Variants in LINGO2 observed in about 807,000 individuals in gnomAD.
LINGO2 encodes the protein leucine rich repeat and Ig domain containing 2.
A neutral mutation model predicts 30.6 loss-of-function variants in LINGO2; 14 were observed. That is an observed-to-expected ratio of 0.46 (90% CI 0.30 to 0.72). The LOEUF is 0.72. Ranked by LOEUF, LINGO2 falls within the 30% of genes least tolerant of loss-of-function variation. LINGO2 has a pLI of 0.07. For missense variants in LINGO2, 729 were observed against 751.7 expected (o/e 0.97, Z 0.35); for synonymous variants, 317 against 288.5 (o/e 1.10, Z -1.00).
At chr9:29,192,762 T>TC in the LINGO2 span, among the ~76,000 whole-genome samples, 2 of 152,102 alleles carry the variant, frequency 1.3e-5, no homozygotes, top group African/African-American at 2.4e-5. Flanking sequence ...CCAGGCAGGG[T>TC]CATAGGTTTT....
chr9:28,562,457 CAAAAAAAAAAA>C (rs56998877), intron 1 of LINGO2, among the ~76,000 whole-genome samples: 1 of 109,206 alleles, frequency 9.2e-6, no homozygotes, highest in East Asian at 2.8e-4. Context: ...CATTTACTTT[CAAAAAAAAAAA>C]AAAAAAACAG....
intron 4 of LINGO2, among the ~76,000 whole-genome samples, chr9:28,143,854 A>G (rs559913658): frequency 2.6e-5 from 4 of 152,204 alleles, no homozygotes; most frequent in African/African-American, 9.6e-5. Flanking sequence ...ATTTTAATCC[A>G]GAGAAAAAAT....
chr9:29,184,521 C>A, the LINGO2 span, among the ~76,000 whole-genome samples: 3 of 152,108 alleles, frequency 2.0e-5, no homozygotes, highest in South Asian at 4.1e-4. Context: ...AAGCACGAGA[C>A]AATTTCAGAA....
intron 1 of LINGO2, among the ~76,000 whole-genome samples, chr9:28,561,481 T>C (rs113016920): frequency 6.6e-6 from 1 of 150,824 alleles, no homozygotes; most frequent in African/African-American, 2.4e-5. Flanking sequence ...CCTGTTTCTA[T>C]AATTAGTTTA....
At chr9:28,126,848 A>G (rs1046648213) in intron 4 of LINGO2, among the ~76,000 whole-genome samples, 23 of 152,338 alleles carry the variant, frequency 1.5e-4, no homozygotes, top group Non-Finnish European at 1.3e-4. Flanking sequence ...GAAGGATATT[A>G]TTCTCCTTCA....
chr9:28,795,983 T>TACACACAC, the LINGO2 span, among the ~76,000 whole-genome samples: 2,031 of 138,212 alleles, frequency 0.015, 32 homozygotes, highest in East Asian at 0.068. Flanking sequence ...CAGTACTAGA[T>TACACACAC]ACACACACAC....
At chr9:29,078,418 G>A in the LINGO2 span, among the ~76,000 whole-genome samples, 4 of 151,910 alleles carry the variant, frequency 2.6e-5, no homozygotes, top group Non-Finnish European at 5.9e-5. Context: ...TTGTAAATTA[G>A]AAAATGAAAT....
chr9:27,970,316 G>T (rs943843209), intron 5 of LINGO2, among the ~76,000 whole-genome samples: 2 of 152,148 alleles, frequency 1.3e-5, no homozygotes, highest in African/African-American at 4.8e-5. Flanking sequence ...TTTCCCTTAG[G>T]CTCGGGGGAT....
At chr9:27,946,209 C>T (rs940370778), downstream of LINGO2, among the ~76,000 whole-genome samples, 5 of 152,066 alleles carry the variant, frequency 3.3e-5, no homozygotes, top group Non-Finnish European at 7.4e-5. Context: ...CAGGACTTTT[C>T]AGAGGATTTA....
chr9:28,718,201 A>T, the LINGO2 span, among the ~76,000 whole-genome samples: 1 of 151,642 alleles, frequency 6.6e-6, no homozygotes, highest in Non-Finnish European at 1.5e-5. Context: ...AAACCATGTG[A>T]GACTTTAGGT....
chr9:28,223,659 TGAG>T (rs1001154390), intron 4 of LINGO2, among the ~76,000 whole-genome samples: 35 of 151,978 alleles, frequency 2.3e-4, no homozygotes, highest in African/African-American at 7.7e-4. Context: ...AGGCAGGAGA[TGAG>T]GAGAGCAAAA....
the LINGO2 span, among the ~76,000 whole-genome samples, chr9:28,840,496 G>A: frequency 6.6e-6 from 1 of 151,772 alleles, no homozygotes; most frequent in African/African-American, 2.4e-5. Flanking sequence ...CCCCTCCACT[G>A]ACTTCATTGC....
rs1012994381 is a variant in LINGO2, at chr9:28,017,748, A to G, written c.-86-5343T>C. Reference sequence around the variant, plus strand: ...TGGAAAACATTCCATGCTCATGGATAGGAAGAATCAATACTGTAATAATGG... The same window carrying G: ...TGGAAAACATTCCATGCTCATGGATGGGAAGAATCAATACTGTAATAATGG... On this transcript the variant is annotated intron_variant, in intron 4 of 5. Coordinates refer to ENST00000379992, the Ensembl canonical transcript of LINGO2. Among the ~76,000 whole-genome samples the G allele has an allele frequency of 3.9e-5, 6 of 152,332 alleles. 1 individual carries two copies. The highest frequency in any genetic ancestry group is 1.2e-4 in the African/African-American group (5 of 41,594).
chr9:28,338,701 G>A (rs1825669510), intron 3 of LINGO2, among the ~76,000 whole-genome samples: 1 of 152,046 alleles, frequency 6.6e-6, no homozygotes, highest in South Asian at 2.1e-4. Flanking sequence ...GTATATAAGA[G>A]GCTTTTCCCT....
rs546146378 is a variant in LINGO2, at chr9:28,033,633, T to G, written c.-86-21228A>C. On this transcript the variant is annotated intron_variant, in intron 4 of 5. Transcript: ENST00000379992. ...AGTTTTTTTATATTTTGAGGATGGA[T>G]TACTTTTATAATGGCAAAAAAAAAA... Among the ~76,000 whole-genome samples, 18 of 152,298 alleles carry G rather than the reference T, an allele frequency of 1.2e-4. No homozygotes were observed. In the South Asian group the frequency reaches 3.5e-3, roughly 30 times the overall value.
intron 5 of LINGO2, among the ~76,000 whole-genome samples, chr9:27,970,565 C>T (rs908444983): frequency 6.6e-6 from 1 of 152,096 alleles, no homozygotes; most frequent in Non-Finnish European, 1.5e-5. Flanking sequence ...CATTTTAACC[C>T]TGAGTAAACA....
At chr9:28,602,342 A>G (rs985166702) in intron 1 of LINGO2, among the ~76,000 whole-genome samples, 1 of 152,122 alleles carries the variant, frequency 6.6e-6, no homozygotes, top group Non-Finnish European at 1.5e-5. Flanking sequence ...AAAGTTAACT[A>G]AAAACAAAAA....
At chr9:28,375,072 T>C (rs915061716) in intron 2 of LINGO2, among the ~76,000 whole-genome samples, 1 of 145,706 alleles carries the variant, frequency 6.9e-6, no homozygotes, top group African/African-American at 2.6e-5. Context: ...CAACCCCTTA[T>C]CGCACACACA....
the LINGO2 span, among the ~76,000 whole-genome samples, chr9:29,022,757 A>G: frequency 1.2e-4 from 18 of 152,256 alleles, no homozygotes; most frequent in South Asian, 3.1e-3. Flanking sequence ...AGCAAAGTTA[A>G]TCACTCTCCT....
Sources: gnomAD v4.1 joint callset for allele counts (sites outside exome capture counted in the v4.1 genomes callset) on GRCh38, gnomAD v4.1.1 for gene constraint, MANE v1.5 for transcripts, NCBI Gene and HGNC (gene_info 2026-07-23, HGNC 2026-07-21) for gene names.